The following THSD7B variants were observed in gnomAD, a reference collection of about 807,000 sequenced individuals.
The protein encoded by THSD7B is thrombospondin type 1 domain containing 7B, also known as thrombospondin type-1 domain-containing protein 7B.
THSD7B carries 138 observed loss-of-function variants against 213.6 expected under a neutral mutation model. The observed-to-expected ratio is 0.65, with a 90% CI of 0.56 to 0.74. The LOEUF (loss-of-function observed/expected upper bound fraction) is 0.74, where lower values mean the gene tolerates loss of function less well. Among genes scored for constraint, THSD7B ranks in the 30% least tolerant of loss-of-function variants. The probability of loss-of-function intolerance (pLI) is 0.00; values close to 1 mark genes in which losing one functional copy is unlikely to be tolerated. For synonymous variants in THSD7B, 742 were observed against 687.0 expected, an observed-to-expected ratio of 1.08 and a Z score of -1.25; for missense variants, 1,931 against 1,991.5, an observed-to-expected ratio of 0.97 and a Z score of 0.58.
chr2:137,332,607 CA>C (rs1042043922), intron 12 of THSD7B, among the ~76,000 whole-genome samples: 3 of 152,064 alleles, frequency 2.0e-5, no homozygotes, highest in East Asian at 1.9e-4. Flanking sequence ...TGTGAGGAGC[CA>C]GGGGTGGAAT....
At chr2:137,634,400 G>T (rs1682795235) in intron 20 of THSD7B, among the ~76,000 whole-genome samples, 1 of 152,130 alleles carries the variant, frequency 6.6e-6, no homozygotes, top group African/African-American at 2.4e-5. Flanking sequence ...TATATCTACA[G>T]TGCACTGGAG....
At chr2:136,990,239 C>T (rs1169876196) in intron 2 of THSD7B, among the ~76,000 whole-genome samples, 1 of 152,172 alleles carries the variant, frequency 6.6e-6, no homozygotes, top group Non-Finnish European at 1.5e-5. Flanking sequence ...TAATGTCCTG[C>T]CTAGTTTATG....
At chr2:137,449,758 G>A (rs955615541) in intron 14 of THSD7B, among the ~76,000 whole-genome samples, 2 of 152,206 alleles carry the variant, frequency 1.3e-5, no homozygotes, top group South Asian at 4.1e-4. Flanking sequence ...CTACACAAAA[G>A]GACCCAGTCC....
At chr2:136,811,224 C>T (rs1248409917) in intron 1 of THSD7B, among the ~76,000 whole-genome samples, 1 of 152,244 alleles carries the variant, frequency 6.6e-6, no homozygotes, top group Middle Eastern at 3.4e-3. Flanking sequence ...GGACTAGATG[C>T]CTATCCTGTT....
chr2:137,625,328 G>A (rs1682602092), intron 20 of THSD7B, among the ~76,000 whole-genome samples: 1 of 111,218 alleles, frequency 9.0e-6, no homozygotes, highest in Non-Finnish European at 1.7e-5. Flanking sequence ...CCTGTCATGG[G>A]GTGGGGGGAG....
chr2:136,788,590 T>A (rs1681910355), intron 1 of THSD7B, among the ~76,000 whole-genome samples: 1 of 152,140 alleles, frequency 6.6e-6, no homozygotes, highest in Non-Finnish European at 1.5e-5. Context: ...GAATAAACTG[T>A]GAGAGCTATG....
rs906913208 is a variant in THSD7B at position 137,422,063 on chromosome 2, T to A, written c.2959+10191T>A. Among the ~76,000 whole-genome samples, 4 of 152,248 alleles carry A rather than the reference T, an allele frequency of 2.6e-5. 1 individual carries two copies. Among genetic ancestry groups the A allele is most frequent in the South Asian group, 4.2e-4 (2 of 4,816 alleles). ...TTTGAAACTAAACTCCTGAAAGAAG[T>A]GCAAGTGAAAAACAATTTGAAACTT... is the stretch of plus-strand genomic sequence containing the variant. On this transcript the variant is annotated intron_variant, in intron 14 of 27. Transcript: ENST00000409968.
intron 17 of THSD7B, among the ~76,000 whole-genome samples, chr2:137,583,052 T>C (rs1001205080): frequency 1.3e-5 from 2 of 152,234 alleles, no homozygotes; most frequent in Non-Finnish European, 2.9e-5. Context: ...TGAGATGATA[T>C]CTCATTGTGG....
At chr2:137,487,236 C>T (rs993968055) in intron 15 of THSD7B, among the ~76,000 whole-genome samples, 4 of 147,658 alleles carry the variant, frequency 2.7e-5, no homozygotes, top group Non-Finnish European at 5.9e-5. Flanking sequence ...GGCGCAGTGG[C>T]GGGCGCCTGT....
At chr2:136,790,839 G>A (rs1681953475) in intron 1 of THSD7B, among the ~76,000 whole-genome samples, 1 of 152,120 alleles carries the variant, frequency 6.6e-6, no homozygotes, top group South Asian at 2.1e-4. Context: ...ACACCCAAGT[G>A]TAGCAGAGGA....
chr2:137,130,294 C>A (rs1380113030), intron 5 of THSD7B, among the ~76,000 whole-genome samples: 1 of 152,060 alleles, frequency 6.6e-6, no homozygotes, highest in Non-Finnish European at 1.5e-5. Flanking sequence ...TAGCCCTACC[C>A]CATTTGCTCA....
At chr2:137,248,501 A>G (rs1682092940) in intron 10 of THSD7B, among the ~76,000 whole-genome samples, 1 of 152,192 alleles carries the variant, frequency 6.6e-6, no homozygotes, top group African/African-American at 2.4e-5. Context: ...AAACTGTGGC[A>G]TTAACAGATT....
At chr2:137,153,215 TG>T (rs1403667830) in intron 5 of THSD7B, among the ~76,000 whole-genome samples, 1 of 152,210 alleles carries the variant, frequency 6.6e-6, no homozygotes, top group African/African-American at 2.4e-5. Flanking sequence ...TCACTTGTTT[TG>T]CCTTTATTTT....
At chr2:137,439,508 T>C (rs907260775) in intron 14 of THSD7B, among the ~76,000 whole-genome samples, 1 of 127,908 alleles carries the variant, frequency 7.8e-6, no homozygotes, top group Non-Finnish European at 1.7e-5. Flanking sequence ...TATCTGTCAA[T>C]TGCAGACAAC....
intron 21 of THSD7B, among the ~76,000 whole-genome samples, chr2:137,647,741 C>T (rs1262340893): frequency 6.6e-6 from 1 of 152,230 alleles, no homozygotes; most frequent in African/African-American, 2.4e-5. Context: ...ATGAATGGTA[C>T]TGAGACATGG....
At chr2:136,948,979 G>A (rs1684989711) in intron 2 of THSD7B, among the ~76,000 whole-genome samples, 1 of 152,122 alleles carries the variant, frequency 6.6e-6, no homozygotes, top group South Asian at 2.1e-4. Flanking sequence ...AAAAAAAATT[G>A]TTGGTTTTTG....
chr2:136,869,535 A>G (rs537202176), intron 1 of THSD7B, among the ~76,000 whole-genome samples: 10 of 152,354 alleles, frequency 6.6e-5, no homozygotes, highest in African/African-American at 2.4e-4. Context: ...GAAGCACAGC[A>G]GTATTAATTA....
intron 15 of THSD7B, among the ~76,000 whole-genome samples, chr2:137,487,195 C>G (rs1344456805): frequency 1.4e-5 from 2 of 147,970 alleles, no homozygotes; most frequent in Middle Eastern, 3.4e-3. Context: ...GGTGAAACCC[C>G]GTCTCTACTA....
At chr2:137,512,739 A>T (rs1043854574) in intron 15 of THSD7B, among the ~76,000 whole-genome samples, 2 of 152,114 alleles carry the variant, frequency 1.3e-5, no homozygotes, top group African/African-American at 2.4e-5. Context: ...TGAAAAAGAT[A>T]TCATGGATAT....
Sources: allele counts gnomAD v4.1 joint callset (sites outside exome capture counted in the v4.1 genomes callset), GRCh38; gene constraint gnomAD v4.1.1; transcripts MANE v1.5; gene names NCBI Gene and HGNC (gene_info 2026-07-23, HGNC 2026-07-21).